Variants in SRC observed in about 807,000 individuals in gnomAD.
SRC encodes proto-oncogene tyrosine-protein kinase Src.
In SRC, 13 loss-of-function variants were observed where a neutral mutation model predicts 62.9. The observed-to-expected ratio is 0.21, with a 90% CI of 0.13 to 0.33. The LOEUF is 0.33. Ranked by LOEUF, SRC falls within the 10% of genes least tolerant of loss-of-function variation. The probability of loss-of-function intolerance (pLI) is 1.00; values close to 1 mark genes in which losing one functional copy is unlikely to be tolerated. For synonymous variants in SRC, 302 were observed against 317.5 expected, an observed-to-expected ratio of 0.95 and a Z score of 0.52; for missense variants, 457 against 737.3, an observed-to-expected ratio of 0.62 and a Z score of 4.40.
chr20:37,355,439 C>T (rs959954677), intron 1 of SRC, among the ~76,000 whole-genome samples: 1 of 152,188 alleles, frequency 6.6e-6, no homozygotes, highest in Non-Finnish European at 1.5e-5. Flanking sequence ...GCATCGCGGG[C>T]AAAATAGGAC....
Position 37,400,304 on chromosome 20 carries a change from G to T in SRC, c.1039+10G>T. The T allele has an allele frequency of 6.2e-7, 1 of 1,600,684 alleles. No individual in the cohort carries two copies. Among genetic ancestry groups the T allele is most frequent in the South Asian group, 1.1e-5 (1 of 89,662 alleles). On this transcript the variant is annotated intron_variant, in intron 10 of 13. Transcript: ENST00000373578. The stretch of plus-strand genomic sequence containing the variant: ...GAGTACATGAGCAAGGGTGAGTCCT[G>T]GGCGGCCGGGGCAGGGGGCAGGGGC...
intron 2 of SRC, among the ~76,000 whole-genome samples, chr20:37,373,160 A>ACACG (rs151313641): frequency 0.22 from 33,386 of 151,526 alleles, 5,343 homozygotes; most frequent in African/African-American, 0.46. Context: ...ACACACATAC[A>ACACG]CACATATATG....
rs1336936070 is a variant in SRC at position 37,404,708 on chromosome 20, T to C, written c.*1329T>C. ...GGCCTCTGCAACTGCTCAGCTCTGG[T>C]CCAGGCCCTGTGGCAGGACACACAT... On this transcript the variant is annotated 3_prime_UTR_variant, in exon 14 of 14. Transcript: ENST00000373578. 1 of 233,362 alleles carries C rather than the reference T, an allele frequency of 4.3e-6. No individual in the cohort carries two copies. Among genetic ancestry groups the C allele is most frequent in the Non-Finnish European group, 8.5e-6 (1 of 118,102 alleles). The allele number at this position is 233,362 out of a possible 1,614,324, so 14.5% of individuals were successfully genotyped here.
intron 2 of SRC, among the ~76,000 whole-genome samples, chr20:37,373,049 T>C (rs1356168905): frequency 6.6e-6 from 1 of 151,644 alleles, no homozygotes; most frequent in African/African-American, 2.4e-5. Context: ...TATACACATA[T>C]ATACATATAT....
At chr20:37,354,232 C>T (rs747982318) in intron 1 of SRC, among the ~76,000 whole-genome samples, 4 of 152,176 alleles carry the variant, frequency 2.6e-5, no homozygotes, top group Non-Finnish European at 5.9e-5. Context: ...AGAAGGGACT[C>T]AATCAAGGTC....
chr20:37,384,478 G>A lies in SRC; in HGVS notation c.250+75G>A. ...GGAGGCGGCGGGGCTGTGTGCCCGG[G>A]GTCGCCCCCTCTGCGCAGGCCCTTC... On this transcript the variant is annotated intron_variant, in intron 4 of 13. Coordinates refer to ENST00000373578, the MANE Select transcript of SRC (RefSeq NM_198291.3). The surrounding 1 kb of genome is among the most constrained non-coding windows in gnomAD (Gnocchi z 6.7). 1 of 1,277,552 alleles carries A rather than the reference G, an allele frequency of 7.8e-7. No homozygotes were observed. Among genetic ancestry groups the A allele is most frequent in the Middle Eastern group, 3.0e-4 (1 of 3,286 alleles). 79.1% of individuals were successfully genotyped at this position (1,277,552 alleles called of 1,614,324 possible). A position where few individuals can be genotyped will look rare whatever the true frequency, so the allele number is the denominator to read the frequency against.
chr20:37,402,715 G>A lies in SRC; in HGVS notation c.1271-34G>A. 1.3e-6 allele frequency: 2 copies of A among 1,593,002 alleles called. No individual in the cohort carries two copies. Among genetic ancestry groups the A allele is most frequent in the Middle Eastern group, 1.7e-4 (1 of 5,958 alleles). ...TCTAGCAGAGCGGTCATGACAGGAG[G>A]TCAGAGCTGCCCTGACCTTTCTCGT... On this transcript the variant is annotated intron_variant, in intron 12 of 13. Coordinates refer to ENST00000373578, the MANE Select transcript of SRC (RefSeq NM_198291.3). This position sits in a 1 kb window ranked among gnomAD's most constrained non-coding sequence, Gnocchi z 6.2.
chr20:37,399,547 AC>A (rs2070707938), intron 9 of SRC, among the ~76,000 whole-genome samples: 1 of 147,224 alleles, frequency 6.8e-6, no homozygotes, highest in South Asian at 2.1e-4. Flanking sequence ...GCTTTTTAGG[AC>A]TTTTTTTTTT....
chr20:37,348,824 T>C (rs2069759645), intron 1 of SRC, among the ~76,000 whole-genome samples: 1 of 152,162 alleles, frequency 6.6e-6, no homozygotes, highest in South Asian at 2.1e-4. Flanking sequence ...CACAGGAATC[T>C]TGAAGAGGGC....
In SRC at chr20:37,360,218, C is replaced by CTTTTT. The variant is rs61476973; in HGVS notation, c.-246-4970_-246-4966dup. 3.8e-4 allele frequency among the ~76,000 whole-genome samples: 40 copies of CTTTTT among 105,630 alleles called. 1 individual carries two copies. The highest frequency in any genetic ancestry group is 1.1e-3 in the African/African-American group (24 of 20,946). The allele number at this position is 105,630 out of a possible 152,430, so 69.3% of individuals were successfully genotyped here. Reference sequence around the variant, plus strand: ...AATTTCTTTCTCTTTCTCTCTCTCTCTTTTTTTTTTTTTTTTTTTTGGTGA... The same window carrying CTTTTT: ...AATTTCTTTCTCTTTCTCTCTCTCTCTTTTTTTTTTTTTTTTTTTTTTTTTGGTGA... On this transcript the variant is annotated intron_variant, in intron 1 of 13. Transcript: ENST00000373578.
chr20:37,371,687 CTTATT>C (rs2070167772), intron 2 of SRC, among the ~76,000 whole-genome samples: 1 of 152,028 alleles, frequency 6.6e-6, no homozygotes, highest in Admixed American at 6.6e-5. Context: ...TGAAATCTTT[CTTATT>C]TTTATTTTTA....
intron 7 of SRC, 34 bp downstream of exon 7, chr20:37,394,311 G>A: frequency 6.3e-7 from 1 of 1,587,108 alleles, no homozygotes; most frequent in South Asian, 1.1e-5. Flanking sequence ...CGGATACTGA[G>A]TCTTCTGTGA....
In SRC at chr20:37,404,633, T is replaced by C. The variant is rs1193928680; in HGVS notation, c.*1254T>C. 2 of 233,634 alleles carry C rather than the reference T, an allele frequency of 8.6e-6. No individual in the cohort carries two copies. Among genetic ancestry groups the C allele is most frequent in the Non-Finnish European group, 1.7e-5 (2 of 118,128 alleles). 14.5% of individuals were successfully genotyped at this position (233,634 alleles called of 1,614,324 possible). On this transcript the variant is annotated 3_prime_UTR_variant, in exon 14 of 14. Coordinates refer to ENST00000373578, the MANE Select transcript of SRC (RefSeq NM_198291.3). ...CCAGGACTGGCTGTGTAACCTTGGG[T>C]GGCCCCTGCTGTCTCTCTGGGCTGC...
At chr20:37,386,986 A>G (rs1452611738) in intron 5 of SRC, among the ~76,000 whole-genome samples, 2 of 152,222 alleles carry the variant, frequency 1.3e-5, no homozygotes, top group East Asian at 3.9e-4. Context: ...CCTCGAAGGA[A>G]AGCCAGTGAA....
intron 1 of SRC, among the ~76,000 whole-genome samples, chr20:37,350,304 C>T (rs531823793): frequency 1.3e-5 from 2 of 152,314 alleles, no homozygotes; most frequent in Admixed American, 1.3e-4. Context: ...AAGTGCTTAG[C>T]ACACATTAGG....
At chr20:37,368,988 C>A in intron 2 of SRC, among the ~76,000 whole-genome samples, 1 of 152,352 alleles carries the variant, frequency 6.6e-6, no homozygotes, top group South Asian at 2.1e-4. Flanking sequence ...GGCACCCTTG[C>A]ATAAAATCAA....
rs2070767388 is a variant in SRC, at chr20:37,403,111, C to G, written c.1403-60C>G. The stretch of plus-strand genomic sequence containing the variant: ...AAGCCCTCGCTGCCCTCCCCATCAG[C>G]TTCCCCCACCCCACTTTCCTCACCG... On this transcript the variant is annotated intron_variant, in intron 13 of 13. Transcript: ENST00000373578. This position sits in a 1 kb window ranked among gnomAD's most constrained non-coding sequence, Gnocchi z 7.1. The G allele has an allele frequency of 8.8e-6, 13 of 1,471,092 alleles. No individual in the cohort carries two copies. Among genetic ancestry groups the G allele is most frequent in the Non-Finnish European group, 9.0e-6 (10 of 1,105,510 alleles). The allele number at this position is 1,471,092 out of a possible 1,614,324, so 91.1% of individuals were successfully genotyped here. A position where few individuals can be genotyped will look rare whatever the true frequency, so the allele number is the denominator to read the frequency against.
At position 37,404,288 on chromosome 20, in the gene SRC, TG is replaced by T. The variant is rs2070790118; in HGVS notation, c.*913del. On this transcript the variant is annotated 3_prime_UTR_variant, in exon 14 of 14. Transcript: ENST00000373578. ...GTTGGGAACAGCATGGAGGCAGATG[TG>T]GGGCTGAGCTGGGGAATCAGGGTAA... is the stretch of plus-strand genomic sequence containing the variant. The T allele has an allele frequency of 4.3e-6, 1 of 233,092 alleles. No individual in the cohort carries two copies. The highest frequency in any genetic ancestry group is 1.8e-4 in the South Asian group (1 of 5,500). The allele number at this position is 233,092 out of a possible 1,614,324, so 14.4% of individuals were successfully genotyped here. A position where few individuals can be genotyped will look rare whatever the true frequency, so the allele number is the denominator to read the frequency against.
chr20:37,370,980 TCTTCTTCTTC>T, intron 2 of SRC, among the ~76,000 whole-genome samples: 1 of 138,096 alleles, frequency 7.2e-6, no homozygotes, highest in African/African-American at 3.1e-5. Flanking sequence ...TTCTTCTTCT[TCTTCTTCTTC>T]TTTTTTTTTT....
Sources: allele counts gnomAD v4.1 joint callset (sites outside exome capture counted in the v4.1 genomes callset), GRCh38; gene constraint gnomAD v4.1.1; non-coding constraint Gnocchi (gnomAD v3.1); transcripts MANE v1.5; gene names NCBI Gene and HGNC (gene_info 2026-07-23, HGNC 2026-07-21).